RASA3: variants seen among roughly 807,000 people sequenced by gnomAD.
RASA3 encodes the protein RAS p21 protein activator 3.
RASA3 carries 73 observed loss-of-function variants against 110.0 expected under a neutral mutation model. That is an observed-to-expected ratio of 0.66 (90% CI 0.55 to 0.81). The LOEUF is 0.81. Among genes scored for constraint, RASA3 ranks in the 30% least tolerant of loss-of-function variants. The probability of loss-of-function intolerance (pLI) is 0.00; values close to 1 mark genes in which losing one functional copy is unlikely to be tolerated. For synonymous variants in RASA3, 500 were observed against 451.4 expected (o/e 1.11, Z -1.37); for missense variants, 976 against 1,113.2 (o/e 0.88, Z 1.75).
rs532328266 is a variant in RASA3 at position 114,110,952 on chromosome 13, A to G, written c.55+21483T>C. 3.3e-5 allele frequency among the ~76,000 whole-genome samples: 5 copies of G among 152,258 alleles called. No individual in the cohort carries two copies. In the East Asian group the frequency reaches 9.7e-4, roughly 29 times the overall value. ...GAGCCACGCTCTGGTCAGGAAAGAC[A>G]TCGCCAGACACCTGTCATAATCCAG... On this transcript the variant is annotated intron_variant, in intron 1 of 23. Transcript: ENST00000334062.
intron 2 of RASA3, among the ~76,000 whole-genome samples, chr13:114,059,235 C>CCTCCTCCTTCA: frequency 6.6e-6 from 1 of 150,624 alleles, no homozygotes; most frequent in Admixed American, 6.6e-5. Context: ...CTGGAGGAGC[C>CCTCCTCCTTCA]GCCGTCAGGC....
intron 9 of RASA3, among the ~76,000 whole-genome samples, chr13:114,019,458 C>A (rs1302576702): frequency 1.3e-5 from 2 of 152,252 alleles, no homozygotes; most frequent in Admixed American, 6.5e-5. Flanking sequence ...ATTTGTGGGC[C>A]AGGCAGTCTA....
At chr13:114,076,755 C>T (rs544308178) in intron 1 of RASA3, among the ~76,000 whole-genome samples, 15 of 152,194 alleles carry the variant, frequency 9.9e-5, no homozygotes, top group South Asian at 8.3e-4. Flanking sequence ...TGAGGGCAGC[C>T]GCAGCACACC....
intron 1 of RASA3, chr13:114,077,890 T>C: frequency 1.0e-6 from 1 of 982,086 alleles, no homozygotes; most frequent in Non-Finnish European, 1.2e-6. Flanking sequence ...AAAAAAAAAG[T>C]GGGGGGACAA....
intron 3 of RASA3, among the ~76,000 whole-genome samples, chr13:114,047,215 C>G (rs2079067243): frequency 6.6e-6 from 1 of 152,070 alleles, no homozygotes; most frequent in African/African-American, 2.4e-5. Context: ...TAAAAAGTAA[C>G]AAGAAAACAA....
At chr13:113,991,730 T>C (rs1218691778) in intron 22 of RASA3, among the ~76,000 whole-genome samples, 2 of 152,260 alleles carry the variant, frequency 1.3e-5, no homozygotes, top group African/African-American at 2.4e-5. Flanking sequence ...AGTATCGTTA[T>C]CTGTGACATT....
At chr13:114,109,551 A>C (rs2080187089) in intron 1 of RASA3, among the ~76,000 whole-genome samples, 1 of 152,220 alleles carries the variant, frequency 6.6e-6, no homozygotes, top group Non-Finnish European at 1.5e-5. Context: ...GGTCCTCTCT[A>C]ATCTTCCATA....
chr13:114,103,941 C>T (rs2080095497), intron 1 of RASA3, among the ~76,000 whole-genome samples: 2 of 91,686 alleles, frequency 2.2e-5, no homozygotes, highest in African/African-American at 4.2e-5. Flanking sequence ...CACGCTGCCA[C>T]AGCCACGGAC....
chr13:114,013,335 A>G (rs2053683383), intron 14 of RASA3, 87 bp from the exon 15 acceptor site: 1 of 894,484 alleles, frequency 1.1e-6, no homozygotes, highest in East Asian at 2.6e-5. Flanking sequence ...GAGGGTCCGC[A>G]GGGAAGTCCA....
At chr13:114,032,027 GGT>G in intron 4 of RASA3, among the ~76,000 whole-genome samples, 1 of 152,064 alleles carries the variant, frequency 6.6e-6, no homozygotes, top group Non-Finnish European at 1.5e-5. Context: ...AGCCTTGAGT[GGT>G]AAATCACCTA....
At chr13:114,026,987 C>T (rs901204395) in intron 7 of RASA3, among the ~76,000 whole-genome samples, 2 of 152,232 alleles carry the variant, frequency 1.3e-5, no homozygotes, top group Non-Finnish European at 2.9e-5. Flanking sequence ...ACAAGCCTTC[C>T]GCCTCTCAGG....
In RASA3 at chr13:113,995,788, G is replaced by T. The variant is rs866362021; in HGVS notation, c.2141+743C>A. Among the ~76,000 whole-genome samples, 59 of 55,926 alleles carry T rather than the reference G, an allele frequency of 1.1e-3. 12 individuals carry two copies. The highest frequency in any genetic ancestry group is 4.8e-3 in the African/African-American group (45 of 9,346). The allele number at this position is 55,926 out of a possible 152,430, so 36.7% of individuals were successfully genotyped here. On this transcript the variant is annotated intron_variant, in intron 21 of 23. Transcript: ENST00000334062. ...CCGGCTGACGGGGGGCCCGGCTGACGGGGGGTCCGGCTGATGGGGGTCCGG... is the reference window on the plus strand; with the variant it reads ...CCGGCTGACGGGGGGCCCGGCTGACTGGGGGTCCGGCTGATGGGGGTCCGG...
chr13:114,077,335 C>G (rs1229314716), intron 1 of RASA3, among the ~76,000 whole-genome samples: 3 of 151,912 alleles, frequency 2.0e-5, no homozygotes, highest in Admixed American at 6.5e-5. Flanking sequence ...CACCAACGCA[C>G]CAGGTTCCTC....
Position 114,018,846 on chromosome 13 carries a change from C to T in RASA3, c.859G>A (p.Val287Met), listed in dbSNP as rs767002437. The change falls in exon 10 of 24, where the codon GTG becomes ATG. Residue 287 changes from valine (V) to methionine (M), a missense_variant. Physicochemically the swap from Val to Met is conservative, Grantham distance 21 (BLOSUM62 1). Transcript: ENST00000334062. ...PDDLGSLRLN[V>M]VYTEDHVFSS... ...AACACGTGGTCTTCCGTGTATACCA[C>T]GTTCAGCCGCAGGGAGCCCAGGTCG... The T allele has an allele frequency of 6.2e-6, 10 of 1,613,944 alleles. No individual in the cohort carries two copies. Among genetic ancestry groups the T allele is most frequent in the African/African-American group, 1.3e-5 (1 of 75,066 alleles).
rs9525258 is a variant in RASA3, at chr13:114,096,576, A to G, written c.56-22739T>C. ...CGTGATTCAAACTGTTCCAGCCTGG[A>G]ATAACCCGATTGCTCCTATGGGAAC... On this transcript the variant is annotated intron_variant, in intron 1 of 23. Coordinates refer to ENST00000334062, the MANE Select transcript of RASA3 (RefSeq NM_007368.4). This position sits in a 1 kb window ranked among gnomAD's most constrained non-coding sequence, Gnocchi z 5.1. 0.46 allele frequency among the ~76,000 whole-genome samples: 70,055 copies of G among 151,940 alleles called. 18,405 individuals are homozygous for G. The highest frequency in any genetic ancestry group is 0.6 in the Non-Finnish European group (40,597 of 67,946).
intron 1 of RASA3, among the ~76,000 whole-genome samples, chr13:114,109,856 C>G (rs987192056): frequency 1.3e-5 from 2 of 152,166 alleles, no homozygotes; most frequent in African/African-American, 2.4e-5. Flanking sequence ...CGCGGCGGCA[C>G]GAGACTCAGC....
In RASA3 at chr13:114,007,347, TCC is replaced by T. The variant is rs762643421; in HGVS notation, c.1742+184_1742+185del. The stretch of plus-strand genomic sequence containing the variant: ...CCTGCCGGACGCCACCTTACCCTTC[TCC>T]CCCCTCCTGCCCTGCCGGACGCCAC... On this transcript the variant is annotated intron_variant, in intron 18 of 23. Coordinates refer to ENST00000334062, the MANE Select transcript of RASA3 (RefSeq NM_007368.4). 9.7e-4 allele frequency among the ~76,000 whole-genome samples: 34 copies of T among 35,054 alleles called. 1 individual carries two copies. The highest frequency in any genetic ancestry group is 2.1e-3 in the African/African-American group (10 of 4,782). The allele number at this position is 35,054 out of a possible 152,430, so 23.0% of individuals were successfully genotyped here. A position where few individuals can be genotyped will look rare whatever the true frequency, so the allele number is the denominator to read the frequency against.
intron 21 of RASA3, among the ~76,000 whole-genome samples, chr13:113,994,577 C>T (rs943994319): frequency 2.6e-5 from 4 of 152,066 alleles, no homozygotes; most frequent in African/African-American, 9.7e-5. Flanking sequence ...CAAGAAGGAT[C>T]GCTTGAGCCC....
intron 1 of RASA3, among the ~76,000 whole-genome samples, chr13:114,106,639 C>T (rs752435768): frequency 3.2e-4 from 49 of 152,216 alleles, no homozygotes; most frequent in Admixed American, 2.9e-3. Context: ...CTTCCCGCTC[C>T]GGAGCATAAG....
Sources: gnomAD v4.1 joint callset for allele counts (sites outside exome capture counted in the v4.1 genomes callset) on GRCh38, gnomAD v4.1.1 for gene constraint, Gnocchi (gnomAD v3.1) non-coding constraint, MANE v1.5 for transcripts, NCBI Gene and HGNC (gene_info 2026-07-23, HGNC 2026-07-21) for gene names.